The following KIRREL3 variants were observed in gnomAD, a reference collection of about 807,000 sequenced individuals.
The protein encoded by KIRREL3 is kin of IRRE-like protein 3.
A neutral mutation model predicts 89.7 loss-of-function variants in KIRREL3; 36 were observed. That is an observed-to-expected ratio of 0.40 (90% CI 0.31 to 0.53). The LOEUF (loss-of-function observed/expected upper bound fraction) is 0.53, where lower values mean the gene tolerates loss of function less well. Among genes scored for constraint, KIRREL3 ranks in the 20% least tolerant of loss-of-function variants. The probability of loss-of-function intolerance (pLI) is 0.49; values close to 1 mark genes in which losing one functional copy is unlikely to be tolerated. For missense variants in KIRREL3, 864 were observed against 1,056.6 expected (o/e 0.82, Z 2.53); for synonymous variants, 445 against 441.4 (o/e 1.01, Z -0.10).
chr11:126,866,617 C>T (rs913629154), intron 1 of KIRREL3, among the ~76,000 whole-genome samples: 2 of 151,966 alleles, frequency 1.3e-5, no homozygotes, highest in Admixed American at 6.6e-5. Context: ...TTGCATTTTC[C>T]GAGACCACTC....
intron 1 of KIRREL3, among the ~76,000 whole-genome samples, chr11:126,584,549 A>G (rs1319027445): frequency 6.6e-6 from 1 of 152,188 alleles, no homozygotes; most frequent in Non-Finnish European, 1.5e-5. Flanking sequence ...CCTGGCTGCA[A>G]AGGCAGGCAG....
At chr11:126,503,061 C>T (rs1032240944) in intron 4 of KIRREL3, among the ~76,000 whole-genome samples, 1 of 152,152 alleles carries the variant, frequency 6.6e-6, no homozygotes, top group Non-Finnish European at 1.5e-5. Context: ...CACCTGCCTC[C>T]CCTTGATTAT....
At chr11:126,979,859 T>C (rs1407765652) in intron 1 of KIRREL3, among the ~76,000 whole-genome samples, 3 of 152,184 alleles carry the variant, frequency 2.0e-5, no homozygotes, top group Non-Finnish European at 4.4e-5. Context: ...TAGAACATAA[T>C]ATGGTATCTT....
intron 2 of KIRREL3, among the ~76,000 whole-genome samples, chr11:126,540,016 C>A (rs945959047): frequency 6.6e-6 from 1 of 152,174 alleles, no homozygotes; most frequent in Non-Finnish European, 1.5e-5. Flanking sequence ...AGGTTTTGAA[C>A]CATATCGGGA....
In KIRREL3 at chr11:126,795,661, G is replaced by A. The variant is rs1950784604; in HGVS notation, c.55+204794C>T. On this transcript the variant is annotated intron_variant, in intron 1 of 16. Transcript: ENST00000525144. This position sits in a 1 kb window ranked among gnomAD's most constrained non-coding sequence, Gnocchi z 4.1. ...GGCCTCCCCAAGTGCCAGGATTACA[G>A]GAGTGAGCCACTGTGCCTGGCCAGA... Among the ~76,000 whole-genome samples the A allele has an allele frequency of 6.6e-6, 1 of 152,296 alleles. No homozygotes were observed. Among genetic ancestry groups the A allele is most frequent in the East Asian group, 1.9e-4 (1 of 5,178 alleles).
At position 126,531,510 on chromosome 11, in the gene KIRREL3, CG is replaced by C. The variant is rs1247774876; in HGVS notation, c.134-4824del. 1.8e-4 allele frequency among the ~76,000 whole-genome samples: 28 copies of C among 152,132 alleles called. No homozygotes were observed. The highest frequency in any genetic ancestry group is 2.9e-5 in the Non-Finnish European group (2 of 68,032). ...GGCTAGTCACTAAGGTCACCTGCCT[CG>C]AGTTCTCCTCGATGTTTCATTGTCC... On this transcript the variant is annotated intron_variant, in intron 2 of 16. Transcript: ENST00000525144. This position sits in a 1 kb window ranked among gnomAD's most constrained non-coding sequence, Gnocchi z 4.7.
intron 1 of KIRREL3, among the ~76,000 whole-genome samples, chr11:126,632,262 G>A (rs1482448365): frequency 6.6e-6 from 1 of 152,234 alleles, no homozygotes; most frequent in Non-Finnish European, 1.5e-5. Flanking sequence ...CTTCTGGGCT[G>A]CAGAAACCTC....
At chr11:126,595,129 G>A (rs971961039) in intron 1 of KIRREL3, among the ~76,000 whole-genome samples, 3 of 152,246 alleles carry the variant, frequency 2.0e-5, no homozygotes, top group Non-Finnish European at 4.4e-5. Flanking sequence ...GCACTCAAGA[G>A]CCACTTCACC....
At chr11:126,650,846 C>T (rs1195613008) in intron 1 of KIRREL3, among the ~76,000 whole-genome samples, 1 of 152,186 alleles carries the variant, frequency 6.6e-6, no homozygotes, top group Non-Finnish European at 1.5e-5. Context: ...CTGATAAAGA[C>T]ATACCCAAGA....
chr11:126,757,298 A>C (rs1239233991), intron 1 of KIRREL3, among the ~76,000 whole-genome samples: 2 of 151,514 alleles, frequency 1.3e-5, no homozygotes, highest in Non-Finnish European at 2.9e-5. Flanking sequence ...TGGAAAAAGA[A>C]AATAAAAAAA....
At position 126,530,705 on chromosome 11, in the gene KIRREL3, GAC is replaced by G. The variant is rs1346895308; in HGVS notation, c.134-4020_134-4019del. Among the ~76,000 whole-genome samples the G allele has an allele frequency of 2.6e-5, 4 of 152,172 alleles. No individual in the cohort carries two copies. Among genetic ancestry groups the G allele is most frequent in the African/African-American group, 9.7e-5 (4 of 41,436 alleles). ...CAGGTCCTGCTCTCAGTGGAGATGT[GAC>G]ACACCCAGCACCTTCCACCGGCCCA... On this transcript the variant is annotated intron_variant, in intron 2 of 16. Transcript: ENST00000525144. The surrounding 1 kb of genome is among the most constrained non-coding windows in gnomAD (Gnocchi z 5.8).
At chr11:126,833,833 T>C (rs1167215950) in intron 1 of KIRREL3, among the ~76,000 whole-genome samples, 1 of 152,200 alleles carries the variant, frequency 6.6e-6, no homozygotes, top group African/African-American at 2.4e-5. Context: ...AGTCCTATAT[T>C]CCTGAAAATG....
intron 7 of KIRREL3, among the ~76,000 whole-genome samples, chr11:126,450,961 G>A (rs893720476): frequency 5.3e-5 from 8 of 151,232 alleles, no homozygotes; most frequent in East Asian, 3.9e-4. Flanking sequence ...ATGTGTGAGC[G>A]TGTGCATGCA....
rs748705912 is a variant in KIRREL3 at position 126,429,295 on chromosome 11, A to G, written c.1697-7T>C. On this transcript the variant is annotated splice_polypyrimidine_tract_variant and splice_region_variant and intron_variant, in intron 14 of 16. Coordinates refer to ENST00000525144, the MANE Select transcript of KIRREL3 (RefSeq NM_032531.4). The surrounding 1 kb of genome is among the most constrained non-coding windows in gnomAD (Gnocchi z 5.2). The stretch of plus-strand genomic sequence containing the variant: ...GACACAACACCTTTGAGATCTGGAG[A>G]TAAAATAGTAAAGTGTAGATGATAG... 6.3e-7 allele frequency: 1 copy of G among 1,585,746 alleles called. No homozygotes were observed. The highest frequency in any genetic ancestry group is 1.7e-5 in the Admixed American group (1 of 59,964).
At chr11:126,465,914 C>T (rs1956707974) in intron 5 of KIRREL3, among the ~76,000 whole-genome samples, 1 of 152,178 alleles carries the variant, frequency 6.6e-6, no homozygotes, top group Non-Finnish European at 1.5e-5. Context: ...GAAACTAAGA[C>T]TTCGGGTAGG....
chr11:126,580,794 C>A (rs1340856515), intron 1 of KIRREL3, among the ~76,000 whole-genome samples: 1 of 151,838 alleles, frequency 6.6e-6, no homozygotes, highest in Admixed American at 6.6e-5. Flanking sequence ...ATAACCTCCC[C>A]TCCCCATCCC....
rs1006610615 is a variant in KIRREL3 at position 126,773,349 on chromosome 11, C to G, written c.56-210437G>C. On this transcript the variant is annotated intron_variant, in intron 1 of 16. Coordinates refer to ENST00000525144, the MANE Select transcript of KIRREL3 (RefSeq NM_032531.4). The surrounding 1 kb of genome is among the most constrained non-coding windows in gnomAD (Gnocchi z 4.2). ...AGTAGAACAAAAGGCTGGCCTCACC[C>G]GAGCAAGAAGGAACTCTCCAGCAGA... Among the ~76,000 whole-genome samples, 11 of 152,270 alleles carry G rather than the reference C, an allele frequency of 7.2e-5. No individual in the cohort carries two copies. The East Asian group carries it at 1.5e-3, about 21-fold the overall frequency.
chr11:126,429,424 C>T lies in KIRREL3; in HGVS notation c.1697-136G>A. ...CAGCCCCTGAACTCAGCAGCTTCACCAGCCCCCCACCAATAGAACCTCCAT... is the reference window on the plus strand; with the variant it reads ...CAGCCCCTGAACTCAGCAGCTTCACTAGCCCCCCACCAATAGAACCTCCAT... On this transcript the variant is annotated intron_variant, in intron 14 of 16. Transcript: ENST00000525144. This position sits in a 1 kb window ranked among gnomAD's most constrained non-coding sequence, Gnocchi z 5.2. 3 of 657,896 alleles carry T rather than the reference C, an allele frequency of 4.6e-6. No individual in the cohort carries two copies. The highest frequency in any genetic ancestry group is 1.7e-5 in the South Asian group (1 of 59,302). The allele number at this position is 657,896 out of a possible 1,614,324, so 40.8% of individuals were successfully genotyped here. A position where few individuals can be genotyped will look rare whatever the true frequency, so the allele number is the denominator to read the frequency against.
At chr11:126,828,042 T>C (rs907650134) in intron 1 of KIRREL3, among the ~76,000 whole-genome samples, 1 of 152,226 alleles carries the variant, frequency 6.6e-6, no homozygotes, top group African/African-American at 2.4e-5. Flanking sequence ...TAATATGACT[T>C]ACCTCAAAGA....
Sources: allele counts gnomAD v4.1 joint callset (sites outside exome capture counted in the v4.1 genomes callset), GRCh38; gene constraint gnomAD v4.1.1; non-coding constraint Gnocchi (gnomAD v3.1); transcripts MANE v1.5; gene names NCBI Gene and HGNC (gene_info 2026-07-23, HGNC 2026-07-21).